CDH13: variants seen among roughly 807,000 people sequenced by gnomAD.
CDH13 encodes cadherin-13.
CDH13 carries 24 observed loss-of-function variants against 63.8 expected under a neutral mutation model. That is an observed-to-expected ratio of 0.38 (90% confidence interval 0.27 to 0.53). CDH13 has a LOEUF of 0.53. Ranked by LOEUF, CDH13 falls within the 20% of genes least tolerant of loss-of-function variation. The pLI is 0.85. For missense variants in CDH13, 1,049 were observed against 903.1 expected, an observed-to-expected ratio of 1.16 and a Z score of -2.07; for synonymous variants, 503 against 355.3, an observed-to-expected ratio of 1.42 and a Z score of -4.67.
At chr16:83,469,795 G>A (rs371474477) in intron 6 of CDH13, among the ~76,000 whole-genome samples, 3 of 152,146 alleles carry the variant, frequency 2.0e-5, no homozygotes, top group African/African-American at 7.2e-5. Flanking sequence ...CTTCTTTCCT[G>A]CGGTGGGGGA....
chr16:83,015,463 T>C (rs1914664874), intron 2 of CDH13, among the ~76,000 whole-genome samples: 2 of 151,344 alleles, frequency 1.3e-5, no homozygotes, highest in Non-Finnish European at 1.5e-5. Flanking sequence ...CTTCCCAGCA[T>C]ATGTAAAGTA....
At chr16:83,162,084 G>A (rs952794673) in intron 4 of CDH13, among the ~76,000 whole-genome samples, 2 of 152,212 alleles carry the variant, frequency 1.3e-5, no homozygotes, top group African/African-American at 4.8e-5. Context: ...AGGAAAATAG[G>A]TTAAACATGA....
At chr16:83,366,913 C>T (rs939936395) in intron 6 of CDH13, among the ~76,000 whole-genome samples, 8 of 152,092 alleles carry the variant, frequency 5.3e-5, no homozygotes, top group African/African-American at 1.7e-4. Flanking sequence ...TGTTTAATAC[C>T]CAAAGCCCTC....
At chr16:83,001,657 G>C (rs1042153256) in intron 2 of CDH13, among the ~76,000 whole-genome samples, 1 of 152,308 alleles carries the variant, frequency 6.6e-6, no homozygotes, top group South Asian at 2.1e-4. Flanking sequence ...AGCGAATCTC[G>C]CATTTTGCTT....
At chr16:83,037,868 G>C (rs760344307) in intron 3 of CDH13, among the ~76,000 whole-genome samples, 4 of 152,148 alleles carry the variant, frequency 2.6e-5, no homozygotes, top group Non-Finnish European at 4.4e-5. Context: ...AGAACAGTCT[G>C]TGTCACAGAG....
At chr16:82,742,659 A>T (rs191649838) in intron 1 of CDH13, among the ~76,000 whole-genome samples, 1 of 152,202 alleles carries the variant, frequency 6.6e-6, no homozygotes. Flanking sequence ...AGTAACTGCA[A>T]TGAGGACTAT....
At chr16:83,342,697 G>T (rs2090751773) in intron 5 of CDH13, among the ~76,000 whole-genome samples, 1 of 151,988 alleles carries the variant, frequency 6.6e-6, no homozygotes, top group Non-Finnish European at 1.5e-5. Flanking sequence ...CCCAGTTTCA[G>T]CATATTTGAA....
intron 6 of CDH13, among the ~76,000 whole-genome samples, chr16:83,485,277 C>T (rs1042928032): frequency 4.6e-5 from 7 of 152,136 alleles, no homozygotes; most frequent in African/African-American, 1.7e-4. Flanking sequence ...GCCAAGGAGG[C>T]GAAGGCATTG....
chr16:83,168,378 T>TAC (rs967056355), intron 4 of CDH13, among the ~76,000 whole-genome samples: 3 of 151,942 alleles, frequency 2.0e-5, no homozygotes, highest in Non-Finnish European at 4.4e-5. Context: ...TGTATATATA[T>TAC]ACACACACAT....
At chr16:83,081,457 C>T (rs1367410284) in intron 3 of CDH13, among the ~76,000 whole-genome samples, 1 of 152,182 alleles carries the variant, frequency 6.6e-6, no homozygotes, top group Non-Finnish European at 1.5e-5. Flanking sequence ...ATAGGGTATA[C>T]ACATGCTTTT....
At chr16:83,514,237 A>C (rs1443669191) in intron 7 of CDH13, among the ~76,000 whole-genome samples, 5 of 152,190 alleles carry the variant, frequency 3.3e-5, no homozygotes, top group African/African-American at 1.2e-4. Context: ...GTCCTCCCCA[A>C]ATTCATGTCT....
At chr16:82,954,767 C>G (rs1325877619) in intron 2 of CDH13, 1 of 149,258 alleles carries the variant, frequency 6.7e-6, no homozygotes, top group Admixed American at 6.7e-5. Context: ...AAAAAAAACA[C>G]TATCCTGAGT....
In CDH13 at chr16:82,683,148, C is replaced by T. The variant is rs560883414; in HGVS notation, c.45+56011C>T. 3.3e-5 allele frequency among the ~76,000 whole-genome samples: 5 copies of T among 152,244 alleles called. No homozygotes were observed. The South Asian group carries it at 1.0e-3, about 32-fold the overall frequency. On this transcript the variant is annotated intron_variant, in intron 1 of 13. Coordinates refer to ENST00000567109, the MANE Select transcript of CDH13 (RefSeq NM_001257.5). ...AACAATGCTCTGCAGGAAAATAAGT[C>T]GTAGATCAGAAGATGTCGCCCTGGT...
intron 8 of CDH13, among the ~76,000 whole-genome samples, chr16:83,655,571 G>A (rs1274847445): frequency 1.3e-5 from 2 of 152,198 alleles, no homozygotes; most frequent in Non-Finnish European, 1.5e-5. Flanking sequence ...ATGTGAATGA[G>A]GGAGAAAAGG....
At position 82,644,440 on chromosome 16, in the gene CDH13, T is replaced by A. The variant is rs950902216; in HGVS notation, c.45+17303T>A. Among the ~76,000 whole-genome samples the A allele has an allele frequency of 6.6e-6, 1 of 152,090 alleles. No homozygotes were observed. Among genetic ancestry groups the A allele is most frequent in the Non-Finnish European group, 1.5e-5 (1 of 68,018 alleles). ...ACTCCTGTCTGCCCTCACTCGTGGG[T>A]TGATGATTTCTATCCTTTGTCATGT... On this transcript the variant is annotated intron_variant, in intron 1 of 13. Transcript: ENST00000567109. This position sits in a 1 kb window ranked among gnomAD's most constrained non-coding sequence, Gnocchi z 5.7.
At chr16:83,475,135 T>C (rs2073568252) in intron 6 of CDH13, among the ~76,000 whole-genome samples, 2 of 152,148 alleles carry the variant, frequency 1.3e-5, no homozygotes, top group Admixed American at 1.3e-4. Context: ...CAATTAAGAA[T>C]GTCAAGAGGG....
intron 13 of CDH13, chr16:83,790,178 G>T (rs1916166295): frequency 6.6e-6 from 1 of 152,138 alleles, no homozygotes; most frequent in African/African-American, 2.4e-5. Context: ...TAATCAGCGA[G>T]GCCAGCATTC....
intron 10 of CDH13, chr16:83,735,422 T>C (rs1002263793): frequency 2.0e-5 from 3 of 152,132 alleles, no homozygotes; most frequent in African/African-American, 7.2e-5. Flanking sequence ...TTCCTTTTTT[T>C]CTTCTTGTAT....
At chr16:83,107,233 C>T (rs575059825) in intron 3 of CDH13, among the ~76,000 whole-genome samples, 8 of 152,050 alleles carry the variant, frequency 5.3e-5, no homozygotes, top group Non-Finnish European at 1.0e-4. Context: ...CTAAGAGTCC[C>T]GTTGAATTTC....
Sources: gnomAD v4.1 joint callset for allele counts (sites outside exome capture counted in the v4.1 genomes callset) on GRCh38, gnomAD v4.1.1 for gene constraint, Gnocchi (gnomAD v3.1) non-coding constraint, MANE v1.5 for transcripts, NCBI Gene and HGNC (gene_info 2026-07-23, HGNC 2026-07-21) for gene names.